Variants in MON2 observed in about 807,000 individuals in gnomAD.
MON2 encodes the protein protein MON2 homolog.
MON2 carries 84 observed loss-of-function variants against 208.6 expected under a neutral mutation model. That is an observed-to-expected ratio of 0.40 (90% CI 0.34 to 0.48). The LOEUF (loss-of-function observed/expected upper bound fraction) is 0.48, where lower values mean the gene tolerates loss of function less well. Ranked by LOEUF, MON2 falls within the 20% of genes least tolerant of loss-of-function variation. The probability of loss-of-function intolerance (pLI) is 0.59; values close to 1 mark genes in which losing one functional copy is unlikely to be tolerated. For missense variants in MON2, 1,611 were observed against 2,015.4 expected, an observed-to-expected ratio of 0.80 and a Z score of 3.84; for synonymous variants, 660 against 694.0, an observed-to-expected ratio of 0.95 and a Z score of 0.77.
At chr12:62,500,325 T>A (rs1428192239) in intron 5 of MON2, among the ~76,000 whole-genome samples, 1 of 152,214 alleles carries the variant, frequency 6.6e-6, no homozygotes, top group Non-Finnish European at 1.5e-5. Context: ...TAGCTGATTC[T>A]TAGCTGGTGA....
rs778286785 is a variant in MON2 at position 62,532,637 on chromosome 12, C to G, written c.1600C>G (p.Gln534Glu). ...ACAGTCGACAGAACAGCAGGATTTACAGTCAACATCAGACCAAATGGATAA... is the reference window on the plus strand; with the variant it reads ...ACAGTCGACAGAACAGCAGGATTTAGAGTCAACATCAGACCAAATGGATAA... Reference protein sequence around the residue: ...PTQSTEQQDLQSTSDQMDKEI... With the variant: ...PTQSTEQQDLESTSDQMDKEI... Residue 534 changes from glutamine to glutamate, a missense_variant, in exon 12 of 35, where the codon CAG becomes GAG. Transcript: ENST00000393630. The G allele has an allele frequency of 1.9e-6, 3 of 1,613,008 alleles. No homozygotes were observed. The highest frequency in any genetic ancestry group is 2.5e-6 in the Non-Finnish European group (3 of 1,179,092).
At chr12:62,481,730 C>T (rs905124012) in intron 1 of MON2, among the ~76,000 whole-genome samples, 1 of 152,174 alleles carries the variant, frequency 6.6e-6, no homozygotes, top group Non-Finnish European at 1.5e-5. Flanking sequence ...TAATTTGGGA[C>T]CTTTCCATTT....
intron 7 of MON2, among the ~76,000 whole-genome samples, chr12:62,505,990 A>G (rs189813805): frequency 4.0e-4 from 61 of 152,302 alleles, no homozygotes; most frequent in Admixed American, 3.3e-3. Context: ...CATGATGAGT[A>G]TAATGAGAAG....
At chr12:62,572,684 A>G (rs2074638573) in intron 30 of MON2, among the ~76,000 whole-genome samples, 1 of 152,140 alleles carries the variant, frequency 6.6e-6, no homozygotes, top group Non-Finnish European at 1.5e-5. Flanking sequence ...TTCTGGGCTC[A>G]AGTGATCCTC....
chr12:62,581,911 TCTC>T (rs2075021440), intron 32 of MON2, among the ~76,000 whole-genome samples: 1 of 152,146 alleles, frequency 6.6e-6, no homozygotes, highest in Non-Finnish European at 1.5e-5. Flanking sequence ...TTAACTAGCT[TCTC>T]CTATTTTGTG....
intron 20 of MON2, among the ~76,000 whole-genome samples, chr12:62,543,566 C>G (rs868617935): frequency 1.3e-5 from 2 of 152,054 alleles, no homozygotes; most frequent in South Asian, 4.1e-4. Flanking sequence ...AAACACTGCT[C>G]ATTTATAGCC....
intron 2 of MON2, among the ~76,000 whole-genome samples, chr12:62,491,484 G>A (rs1226297398): frequency 6.6e-6 from 1 of 151,906 alleles, no homozygotes; most frequent in Non-Finnish European, 1.5e-5. Context: ...TGTTTTTTAT[G>A]AAAATGAGTT....
intron 7 of MON2, among the ~76,000 whole-genome samples, chr12:62,502,763 T>C (rs2070909680): frequency 1.3e-5 from 2 of 152,186 alleles, no homozygotes; most frequent in Non-Finnish European, 2.9e-5. Context: ...TATTAGGTCT[T>C]GAACTGTAAT....
intron 2 of MON2, among the ~76,000 whole-genome samples, chr12:62,485,086 T>C (rs1310319567): frequency 6.6e-6 from 1 of 152,170 alleles, no homozygotes; most frequent in Non-Finnish European, 1.5e-5. Context: ...TAGAACCAGA[T>C]TAAAATCCAG....
intron 33 of MON2, among the ~76,000 whole-genome samples, chr12:62,587,093 G>T (rs2075242847): frequency 6.6e-6 from 1 of 152,132 alleles, no homozygotes; most frequent in East Asian, 1.9e-4. Flanking sequence ...GATGAGGGCG[G>T]ACCAGAGACC....
intron 13 of MON2, 142 bp downstream of exon 13, chr12:62,535,068 C>T (rs2072903754): frequency 1.6e-6 from 1 of 621,428 alleles, no homozygotes; most frequent in African/African-American, 1.9e-5. Flanking sequence ...TTCCCTCATC[C>T]CCCTTCCTCA....
intron 8 of MON2, among the ~76,000 whole-genome samples, chr12:62,521,931 G>A (rs973051093): frequency 5.9e-5 from 9 of 152,158 alleles, no homozygotes; most frequent in Non-Finnish European, 8.8e-5. Flanking sequence ...GGTGGCTCAC[G>A]CCTATAATCC....
chr12:62,567,301 A>C (rs1349261293), intron 29 of MON2, among the ~76,000 whole-genome samples: 1 of 152,150 alleles, frequency 6.6e-6, no homozygotes, highest in Non-Finnish European at 1.5e-5. Flanking sequence ...CATCTCATAC[A>C]AGGATTCTTA....
At chr12:62,550,654 T>C (rs548232179) in intron 23 of MON2, among the ~76,000 whole-genome samples, 217 of 152,364 alleles carry the variant, frequency 1.4e-3, no homozygotes, top group African/African-American at 4.9e-3. Flanking sequence ...CAGCACTTGC[T>C]GCTTCACCTT....
chr12:62,473,879 C>G (rs2068925153), intron 1 of MON2, among the ~76,000 whole-genome samples: 1 of 151,890 alleles, frequency 6.6e-6, no homozygotes, highest in African/African-American at 2.4e-5. Flanking sequence ...CCATCCTTTT[C>G]TTTACATACA....
At chr12:62,484,894 C>T (rs1364064570) in intron 2 of MON2, 2 of 145,178 alleles carry the variant, frequency 1.4e-5, no homozygotes, top group Non-Finnish European at 3.0e-5. Flanking sequence ...CAATAATGAA[C>T]ATGGAAAAGA....
intron 27 of MON2, 123 bp downstream of exon 27, chr12:62,565,503 T>C: frequency 2.4e-6 from 2 of 847,106 alleles, no homozygotes; most frequent in Non-Finnish European, 3.5e-6. Flanking sequence ...AATATATTTA[T>C]ACATGTCTGT....
intron 15 of MON2, 88 bp downstream of exon 15, chr12:62,537,351 C>T (rs2073025188): frequency 6.6e-6 from 6 of 912,210 alleles, no homozygotes; most frequent in Non-Finnish European, 8.4e-6. Context: ...ATGTGTCATA[C>T]ATTTATTTAC....
chr12:62,481,927 A>G (rs914670433), intron 1 of MON2, among the ~76,000 whole-genome samples: 1 of 152,186 alleles, frequency 6.6e-6, no homozygotes, highest in African/African-American at 2.4e-5. Flanking sequence ...GGGAGGCTAA[A>G]CAACTAGAAC....
Sources: gnomAD v4.1 joint callset for allele counts (sites outside exome capture counted in the v4.1 genomes callset) on GRCh38, gnomAD v4.1.1 for gene constraint, MANE v1.5 for transcripts, NCBI Gene and HGNC (gene_info 2026-07-23, HGNC 2026-07-21) for gene names.